Variants in BABAM2 observed in about 807,000 individuals in gnomAD.
BABAM2 encodes the protein BRISC and BRCA1 A complex member 2, also known as BRISC and BRCA1-A complex member 2.
A neutral mutation model predicts 54.7 loss-of-function variants in BABAM2; 31 were observed. The observed-to-expected ratio is 0.57, with a 90% CI of 0.43 to 0.77. The LOEUF (loss-of-function observed/expected upper bound fraction) is 0.77. Among genes scored for constraint, BABAM2 ranks in the 30% least tolerant of loss-of-function variants. The pLI is 0.00. For missense variants in BABAM2, 364 were observed against 455.8 expected (o/e 0.80, Z 1.83); for synonymous variants, 167 against 162.9 (o/e 1.03, Z -0.19).
intron 11 of BABAM2, among the ~76,000 whole-genome samples, chr2:28,301,577 T>C (rs2148250687): frequency 6.6e-6 from 1 of 152,316 alleles, no homozygotes; most frequent in East Asian, 1.9e-4. Flanking sequence ...TGGAAGACCA[T>C]GGGTTTTAGC....
chr2:28,082,645 T>A lies in BABAM2; in HGVS notation c.570+36846T>A, dbSNP rs538664635. ...TAATGATCACAGTTAAGGAATTGGA[T>A]GGTTGCTATTTTCATGGTTCTTTAG... On this transcript the variant is annotated intron_variant, in intron 6 of 11. Coordinates refer to ENST00000379624, the MANE Select transcript of BABAM2 (RefSeq NM_199191.3). 2.6e-5 allele frequency among the ~76,000 whole-genome samples: 4 copies of A among 152,314 alleles called. No homozygotes were observed. The South Asian group carries it at 6.2e-4, about 24-fold the overall frequency.
At chr2:28,123,176 G>T (rs942342478) in intron 6 of BABAM2, among the ~76,000 whole-genome samples, 1 of 151,976 alleles carries the variant, frequency 6.6e-6, no homozygotes, top group Admixed American at 6.6e-5. Flanking sequence ...AGACACTGGG[G>T]GTGCAAAAAT....
At chr2:27,959,306 GA>G (rs973065260) in intron 3 of BABAM2, among the ~76,000 whole-genome samples, 3 of 152,170 alleles carry the variant, frequency 2.0e-5, no homozygotes, top group African/African-American at 7.2e-5. Context: ...AGTGACATAA[GA>G]TACCTAATTA....
At chr2:27,958,580 A>G (rs762057571) in intron 3 of BABAM2, among the ~76,000 whole-genome samples, 1 of 151,040 alleles carries the variant, frequency 6.6e-6, no homozygotes, top group Non-Finnish European at 1.5e-5. Context: ...GTATATATGT[A>G]TATTTAGTTT....
chr2:28,028,871 A>G (rs1382068673), intron 5 of BABAM2, among the ~76,000 whole-genome samples: 3 of 151,892 alleles, frequency 2.0e-5, no homozygotes, highest in Non-Finnish European at 4.4e-5. Flanking sequence ...GGTTCAAGCA[A>G]TTCTCCTCTC....
At chr2:27,895,350 A>G (rs79662617) in intron 2 of BABAM2, among the ~76,000 whole-genome samples, 3 of 152,150 alleles carry the variant, frequency 2.0e-5, no homozygotes, top group East Asian at 3.9e-4. Context: ...CAGTTCCTCA[A>G]TTTTTCTTTG....
At chr2:28,077,980 T>A (rs1664836080) in intron 6 of BABAM2, among the ~76,000 whole-genome samples, 1 of 152,158 alleles carries the variant, frequency 6.6e-6, no homozygotes, top group East Asian at 1.9e-4. Context: ...TTCCACTTTC[T>A]GGGATTTCAG....
At chr2:28,207,871 A>G (rs1431171260) in intron 7 of BABAM2, among the ~76,000 whole-genome samples, 1 of 152,174 alleles carries the variant, frequency 6.6e-6, no homozygotes, top group Non-Finnish European at 1.5e-5. Flanking sequence ...CTTCTCTGTA[A>G]CTTAGGACCC....
At chr2:27,942,283 T>C (rs1180897786) in intron 3 of BABAM2, among the ~76,000 whole-genome samples, 1 of 152,210 alleles carries the variant, frequency 6.6e-6, no homozygotes, top group East Asian at 1.9e-4. Flanking sequence ...AAATAGATAT[T>C]GAGACTTTAT....
At chr2:28,178,639 A>T (rs527502811) in intron 7 of BABAM2, among the ~76,000 whole-genome samples, 1 of 152,054 alleles carries the variant, frequency 6.6e-6, no homozygotes, top group East Asian at 1.9e-4. Context: ...AAGGAAAGAG[A>T]TAATAAAGAT....
At chr2:28,026,384 C>G (rs1012366455) in intron 5 of BABAM2, among the ~76,000 whole-genome samples, 2 of 152,020 alleles carry the variant, frequency 1.3e-5, no homozygotes, top group Admixed American at 6.5e-5. Flanking sequence ...CATATACACC[C>G]TGGAATACTA....
At chr2:27,968,460 G>C (rs545797061) in intron 3 of BABAM2, among the ~76,000 whole-genome samples, 33 of 152,336 alleles carry the variant, frequency 2.2e-4, no homozygotes, top group Non-Finnish European at 4.4e-4. Context: ...CAGGAGTGGG[G>C]CCCTCATGGA....
intron 3 of BABAM2, among the ~76,000 whole-genome samples, chr2:27,954,085 C>G (rs771435517): frequency 6.6e-6 from 1 of 152,146 alleles, no homozygotes; most frequent in Non-Finnish European, 1.5e-5. Flanking sequence ...CAAACTTGGG[C>G]ACAGAAGCCT....
intron 7 of BABAM2, among the ~76,000 whole-genome samples, chr2:28,139,533 C>A (rs1670864871): frequency 6.6e-6 from 1 of 151,868 alleles, no homozygotes; most frequent in Non-Finnish European, 1.5e-5. Flanking sequence ...TGCACCACTG[C>A]ACTCCAGCCT....
chr2:28,332,322 G>A (rs1018254198), intron 11 of BABAM2, among the ~76,000 whole-genome samples: 24 of 152,274 alleles, frequency 1.6e-4, no homozygotes, highest in African/African-American at 5.8e-4. Flanking sequence ...GAAAAAAGAG[G>A]TGCTAGTGTC....
At chr2:28,223,421 C>T (rs1680589493) in intron 7 of BABAM2, among the ~76,000 whole-genome samples, 1 of 152,210 alleles carries the variant, frequency 6.6e-6, no homozygotes, top group African/African-American at 2.4e-5. Context: ...GGCACCCGGG[C>T]TTGGCACCTG....
intron 7 of BABAM2, among the ~76,000 whole-genome samples, chr2:28,218,235 T>C (rs1239336744): frequency 1.3e-5 from 2 of 152,210 alleles, no homozygotes; most frequent in Non-Finnish European, 2.9e-5. Flanking sequence ...CATTCTCTTA[T>C]ATAACCACAG....
chr2:28,052,602 G>A (rs1026499498), intron 6 of BABAM2, among the ~76,000 whole-genome samples: 5 of 151,962 alleles, frequency 3.3e-5, no homozygotes, highest in Admixed American at 2.0e-4. Context: ...TCATAGAGAA[G>A]GTTTCTTAAG....
intron 7 of BABAM2, among the ~76,000 whole-genome samples, chr2:28,213,275 A>G (rs1253069576): frequency 6.6e-6 from 1 of 152,096 alleles, no homozygotes; most frequent in South Asian, 2.1e-4. Context: ...GGAGATGTCT[A>G]TTTGGGGATC....
Sources: gnomAD v4.1 joint callset for allele counts (sites outside exome capture counted in the v4.1 genomes callset) on GRCh38, gnomAD v4.1.1 for gene constraint, MANE v1.5 for transcripts, NCBI Gene and HGNC (gene_info 2026-07-23, HGNC 2026-07-21) for gene names.